ATP13A4: variants seen among roughly 807,000 people sequenced by gnomAD.
ATP13A4 encodes the protein ATPase 13A4, also known as probable cation-transporting ATPase 13A4.
ATP13A4 carries 114 observed loss-of-function variants against 142.5 expected under a neutral mutation model. That is an observed-to-expected ratio of 0.80 (90% CI 0.69 to 0.93). The LOEUF (loss-of-function observed/expected upper bound fraction) is 0.93, where lower values mean the gene tolerates loss of function less well. ATP13A4 is among the 40% of genes least tolerant of loss of function. The pLI is 0.00. For missense variants in ATP13A4, 1,392 were observed against 1,454.0 expected (o/e 0.96, Z 0.69); for synonymous variants, 488 against 514.8 (o/e 0.95, Z 0.70).
In ATP13A4 at chr3:193,464,976, G is replaced by A. The variant is rs768031324; in HGVS notation, c.1425C>T (p.Asn475=). The change falls in exon 12 of 30, where the codon AAC becomes AAT. Residue 475 remains asparagine (N), a synonymous_variant. Transcript: ENST00000342695. ...AGACAAGGTTTAACTGTCCACATAC[G>A]TTGATCCTCTGGGGGCTAATGCAGA... ...GIFCISPQRI[N]VCGQLNLVCF... 2.0e-5 allele frequency: 33 copies of A among 1,613,966 alleles called. No individual in the cohort carries two copies. The Middle Eastern group carries it at 5.0e-4, about 24-fold the overall frequency.
intron 21 of ATP13A4, 168 bp from the exon 22 acceptor site, chr3:193,439,233 A>C (rs1181206330): frequency 1.4e-6 from 1 of 698,250 alleles, no homozygotes; most frequent in African/African-American, 1.8e-5. Flanking sequence ...CAGTTAATAC[A>C]ATGGATTTAG....
At chr3:193,489,936 T>A in intron 6 of ATP13A4, 72 bp from the exon 7 acceptor site, 1 of 1,478,338 alleles carries the variant, frequency 6.8e-7, no homozygotes, top group Non-Finnish European at 9.4e-7. Context: ...TTTACTTGTT[T>A]TCATAATCAT....
Position 193,448,206 on chromosome 3 carries a change from C to A in ATP13A4, c.2152G>T (p.Gly718Cys). 1 of 1,613,996 alleles carries A rather than the reference C, an allele frequency of 6.2e-7. No individual in the cohort carries two copies. Among genetic ancestry groups the A allele is most frequent in the Non-Finnish European group, 8.5e-7 (1 of 1,179,984 alleles). The change falls in exon 18 of 30, where the codon GGT becomes TGT. Residue 718 changes from glycine (G) to cysteine (C), a missense_variant and splice_region_variant. Transcript: ENST00000342695. ...SARIRTVMITGDNLQTAITVA... is the reference protein window; with the variant it reads ...SARIRTVMITCDNLQTAITVA... ...TTTCACTGTATACTTTGTTTCATAC[C>A]TGTGATCATTACAGTCCTTATCCGG...
chr3:193,414,754 TA>T lies in ATP13A4; in HGVS notation c.2843-5del. 1.2e-6 allele frequency: 2 copies of T among 1,613,866 alleles called. No homozygotes were observed. The highest frequency in any genetic ancestry group is 2.2e-5 in the South Asian group (2 of 91,074). On this transcript the variant is annotated splice_polypyrimidine_tract_variant and splice_region_variant and intron_variant, in intron 25 of 29. Transcript: ENST00000342695. ...GGGTAGGCACCATTCAGATTCACTA[TA>T]AAATAAATTCGAATTTTATATTTAT...
Position 193,489,828 on chromosome 3 carries a change from C to A in ATP13A4, c.640G>T (p.Val214Phe). 6.2e-7 allele frequency: 1 copy of A among 1,612,240 alleles called. No individual in the cohort carries two copies. Among genetic ancestry groups the A allele is most frequent in the Non-Finnish European group, 8.5e-7 (1 of 1,178,426 alleles). Residue 214 changes from valine (V) to phenylalanine (F), a missense_variant, in exon 7 of 30, where the codon GTC becomes TTC. Physicochemically the swap from Val to Phe is conservative, Grantham distance 50. Coordinates refer to ENST00000342695, the MANE Select transcript of ATP13A4 (RefSeq NM_032279.4). ...NPFYIFQLFSVCLWFSEDYKE... is the reference protein window; with the variant it reads ...NPFYIFQLFSFCLWFSEDYKE... ...TAGTCTTCACTAAACCACAAACAGA[C>A]ACTGAAGAGTTGAAATATATAAAAT...
At chr3:193,495,918 C>T (rs1720199166) in intron 3 of ATP13A4, among the ~76,000 whole-genome samples, 1 of 152,058 alleles carries the variant, frequency 6.6e-6, no homozygotes, top group South Asian at 2.1e-4. Context: ...CATTTCTATA[C>T]ACTAATAGCA....
chr3:193,580,348 G>C (rs1021432583), intron 2 of ATP13A4, among the ~76,000 whole-genome samples: 1 of 152,118 alleles, frequency 6.6e-6, no homozygotes, highest in African/African-American at 2.4e-5. Flanking sequence ...GTTGTAGCAG[G>C]ATATAGCCTC....
chr3:193,517,479 G>GTATTA (rs1553853616), intron 1 of ATP13A4, among the ~76,000 whole-genome samples: 1 of 152,064 alleles, frequency 6.6e-6, no homozygotes, highest in African/African-American at 2.4e-5. Context: ...CAACTGTTTT[G>GTATTA]TTTTATTTTA....
intron 1 of ATP13A4, among the ~76,000 whole-genome samples, chr3:193,538,684 TTAATAA>T (rs893304538): frequency 6.6e-6 from 1 of 151,528 alleles, no homozygotes; most frequent in Non-Finnish European, 1.5e-5. Flanking sequence ...AAAGGAAAGG[TTAATAA>T]TAATAATAAC....
chr3:193,400,220 G>T lies in ATP13A4; in HGVS notation c.*2432C>A, dbSNP rs67932887. ...GGCACTCCCTGTTCCTTCAATTACTGCTTCTAAGATGTAGTTAATCCCAGG... is the reference window on the plus strand; with the variant it reads ...GGCACTCCCTGTTCCTTCAATTACTTCTTCTAAGATGTAGTTAATCCCAGG... On this transcript the variant is annotated 3_prime_UTR_variant, in exon 30 of 30. Coordinates refer to ENST00000342695, the MANE Select transcript of ATP13A4 (RefSeq NM_032279.4). 0.078 allele frequency among the ~76,000 whole-genome samples: 11,882 copies of T among 152,172 alleles called. 528 individuals carry two copies. Among genetic ancestry groups the T allele is most frequent in the Middle Eastern group, 0.1 (30 of 294 alleles).
At position 193,402,472 on chromosome 3, in the gene ATP13A4, G is replaced by C; in HGVS notation, c.*180C>G. ...AAGCCAAGAGGAAAGCACTCTTCTG[G>C]GTCAATGTTCTTCTCTGTAGACAGT... On this transcript the variant is annotated 3_prime_UTR_variant, in exon 30 of 30. Transcript: ENST00000342695. 1.7e-6 allele frequency: 1 copy of C among 592,802 alleles called. No homozygotes were observed. Among genetic ancestry groups the C allele is most frequent in the Non-Finnish European group, 3.0e-6 (1 of 332,834 alleles). The allele number at this position is 592,802 out of a possible 1,614,324, so 36.7% of individuals were successfully genotyped here. A position where few individuals can be genotyped will look rare whatever the true frequency, so the allele number is the denominator to read the frequency against.
intron 27 of ATP13A4, 42 bp from the exon 28 acceptor site, chr3:193,411,112 A>G (rs1690704802): frequency 1.5e-6 from 2 of 1,343,596 alleles, no homozygotes; most frequent in Admixed American, 3.4e-5. Flanking sequence ...GAGAAATCAG[A>G]GTGAAAAATG....
intron 1 of ATP13A4, among the ~76,000 whole-genome samples, chr3:193,540,697 TG>T (rs1234064657): frequency 6.7e-6 from 1 of 150,300 alleles, no homozygotes; most frequent in Admixed American, 6.6e-5. Context: ...ATTAAAAGAA[TG>T]TTTATTAAGT....
intron 1 of ATP13A4, among the ~76,000 whole-genome samples, chr3:193,545,366 C>T (rs902827568): frequency 3.3e-5 from 5 of 152,178 alleles, no homozygotes; most frequent in African/African-American, 9.7e-5. Context: ...TTATATTTCT[C>T]TGGAAAGCAT....
intron 13 of ATP13A4, among the ~76,000 whole-genome samples, chr3:193,462,222 CAAA>C (rs57279285): frequency 9.1e-5 from 10 of 109,798 alleles, no homozygotes; most frequent in Admixed American, 2.7e-4. Context: ...AACTCCGTCT[CAAA>C]AAAAAAAAAA....
At chr3:193,442,342 A>G (rs1463257714) in intron 19 of ATP13A4, 51 bp downstream of exon 19, 1 of 1,582,944 alleles carries the variant, frequency 6.3e-7, no homozygotes, top group Non-Finnish European at 8.7e-7. Flanking sequence ...TCAGTCACCA[A>G]CACTGCAAGA....
At chr3:193,502,420 AC>A in intron 3 of ATP13A4, 72 bp downstream of exon 3, 1 of 1,523,022 alleles carries the variant, frequency 6.6e-7, no homozygotes, top group Non-Finnish European at 9.1e-7. Context: ...TAGAGGAGCT[AC>A]ATTTAACTAT....
chr3:193,408,506 A>T (rs79476907), intron 28 of ATP13A4, among the ~76,000 whole-genome samples: 1 of 152,374 alleles, frequency 6.6e-6, no homozygotes, highest in Non-Finnish European at 1.5e-5. Context: ...AAGGTGCAGG[A>T]CAATGTATGT....
chr3:193,511,909 T>C (rs1721160194), intron 2 of ATP13A4, among the ~76,000 whole-genome samples: 1 of 152,260 alleles, frequency 6.6e-6, no homozygotes, highest in African/African-American at 2.4e-5. Flanking sequence ...TTAGTGACAC[T>C]CTTTTTTAAT....
Sources: allele counts gnomAD v4.1 joint callset (sites outside exome capture counted in the v4.1 genomes callset), GRCh38; gene constraint gnomAD v4.1.1; transcripts MANE v1.5; gene names NCBI Gene and HGNC (gene_info 2026-07-23, HGNC 2026-07-21).